SFMBT2: variants seen among roughly 807,000 people sequenced by gnomAD.
The protein encoded by SFMBT2 is scm-like with four MBT domains protein 2.
Under a neutral mutation model 110.1 loss-of-function variants are expected in SFMBT2, and 38 were observed. The ratio of observed to expected loss-of-function variants is 0.35; its 90% CI spans 0.27 to 0.45. The LOEUF (loss-of-function observed/expected upper bound fraction) is 0.45. Among genes scored for constraint, SFMBT2 ranks in the 20% least tolerant of loss-of-function variants. The probability of loss-of-function intolerance (pLI) is 1.00; values close to 1 mark genes in which losing one functional copy is unlikely to be tolerated. For missense variants in SFMBT2, 1,011 were observed against 1,094.9 expected (o/e 0.92, Z 1.08); for synonymous variants, 425 against 425.4 (o/e 1.00, Z 0.01).
intron 7 of SFMBT2, among the ~76,000 whole-genome samples, chr10:7,250,079 T>A (rs1840753227): frequency 6.6e-6 from 1 of 152,208 alleles, no homozygotes; most frequent in South Asian, 2.1e-4. Context: ...GTGCAGGTGA[T>A]GATGTGCATT....
intron 4 of SFMBT2, among the ~76,000 whole-genome samples, chr10:7,360,370 G>T (rs555776044): frequency 4.6e-5 from 7 of 152,258 alleles, no homozygotes; most frequent in African/African-American, 1.4e-4. Context: ...ATGAGGCTGA[G>T]GTAGAAGGAT....
intron 1 of SFMBT2, among the ~76,000 whole-genome samples, chr10:7,391,643 A>G (rs1845769216): frequency 6.6e-6 from 1 of 152,218 alleles, no homozygotes; most frequent in Non-Finnish European, 1.5e-5. Context: ...TCCTTCCTAT[A>G]AGAGATAGAC....
chr10:7,236,428 G>A (rs1301111206), intron 9 of SFMBT2, among the ~76,000 whole-genome samples: 2 of 152,014 alleles, frequency 1.3e-5, no homozygotes, highest in Non-Finnish European at 2.9e-5. Context: ...ATTTGTTCAG[G>A]GCTATACAAA....
At chr10:7,407,499 G>A (rs1225336174) in intron 1 of SFMBT2, among the ~76,000 whole-genome samples, 1 of 152,086 alleles carries the variant, frequency 6.6e-6, no homozygotes, top group African/African-American at 2.4e-5. Context: ...CGGCTGTGCT[G>A]CGGGAGCCCT....
chr10:7,368,710 A>C (rs977382584), intron 3 of SFMBT2, among the ~76,000 whole-genome samples: 1 of 152,242 alleles, frequency 6.6e-6, no homozygotes, highest in African/African-American at 2.4e-5. Context: ...GGAAGGAAAA[A>C]TTGTGATCAA....
chr10:7,287,656 C>T (rs1282960550), intron 4 of SFMBT2, among the ~76,000 whole-genome samples: 1 of 152,184 alleles, frequency 6.6e-6, no homozygotes, highest in Non-Finnish European at 1.5e-5. Flanking sequence ...CCGGGCTCCA[C>T]CCAGGACTTC....
intron 4 of SFMBT2, among the ~76,000 whole-genome samples, chr10:7,314,745 T>C (rs1772003526): frequency 1.3e-5 from 2 of 151,840 alleles, no homozygotes; most frequent in Admixed American, 1.3e-4. Flanking sequence ...CTGTATCTAC[T>C]AAAAATACAA....
chr10:7,219,417 A>G, intron 11 of SFMBT2, among the ~76,000 whole-genome samples: 1 of 152,268 alleles, frequency 6.6e-6, no homozygotes, highest in East Asian at 1.9e-4. Context: ...GATGTCAGCC[A>G]CAATGACTGT....
intron 4 of SFMBT2, chr10:7,329,606 G>T (rs1000878783): frequency 3.0e-6 from 2 of 659,252 alleles, no homozygotes; most frequent in Non-Finnish European, 3.8e-6. Context: ...CAGATTCCTC[G>T]GTTAGAAATC....
At chr10:7,394,029 G>T (rs1222031171) in intron 1 of SFMBT2, among the ~76,000 whole-genome samples, 3 of 152,090 alleles carry the variant, frequency 2.0e-5, no homozygotes, top group African/African-American at 7.2e-5. Flanking sequence ...TTGAGAAAGG[G>T]TCTCACTCTG....
intron 3 of SFMBT2, chr10:7,368,300 A>G: frequency 3.1e-6 from 3 of 982,934 alleles, no homozygotes; most frequent in Non-Finnish European, 3.6e-6. Flanking sequence ...ACAGGACCAC[A>G]TGATAGGGGC....
chr10:7,183,674 G>A (rs991143208), intron 16 of SFMBT2, among the ~76,000 whole-genome samples: 2 of 152,184 alleles, frequency 1.3e-5, no homozygotes, highest in African/African-American at 4.8e-5. Flanking sequence ...CTCTGGGGAC[G>A]TTTCCCAGCC....
chr10:7,214,130 A>G (rs578014408), intron 11 of SFMBT2, among the ~76,000 whole-genome samples: 6 of 152,274 alleles, frequency 3.9e-5, no homozygotes, highest in South Asian at 2.1e-4. Flanking sequence ...CGTACTAAAA[A>G]GAAAACATCA....
At position 7,269,731 on chromosome 10, in the gene SFMBT2, T is replaced by C. The variant is rs1182561411; in HGVS notation, c.870+7161A>G. Among the ~76,000 whole-genome samples, 5 of 147,056 alleles carry C rather than the reference T, an allele frequency of 3.4e-5. No individual in the cohort carries two copies. The East Asian group carries it at 9.8e-4, about 29-fold the overall frequency. On this transcript the variant is annotated intron_variant, in intron 7 of 20. Coordinates refer to ENST00000397167, the MANE Select transcript of SFMBT2 (RefSeq NM_001387889.1). ...AAGTGTGTGCGTGTGTGTGTGTGTGTGTGTGTGTGTGTGTGTGTGTGTGTG... is the reference window on the plus strand; with the variant it reads ...AAGTGTGTGCGTGTGTGTGTGTGTGCGTGTGTGTGTGTGTGTGTGTGTGTG...
chr10:7,376,727 CAAAAAAAAAAAAAAAAA>C (rs35816107), intron 2 of SFMBT2, among the ~76,000 whole-genome samples: 1 of 44,736 alleles, frequency 2.2e-5, no homozygotes, highest in African/African-American at 1.0e-4. Context: ...GGCCCTCCCA[CAAAAAAAAAAAAAAAAA>C]AAAAAAAAAA....
Position 7,290,088 on chromosome 10 carries a change from A to C in SFMBT2, c.437-4134T>G, listed in dbSNP as rs571058535. On this transcript the variant is annotated intron_variant, in intron 4 of 20. Transcript: ENST00000397167. ...CACACATGAAACATCAGGAAACTCA[A>C]AACCTGCCCTGCGCCCAACTACGGC... 2.0e-5 allele frequency among the ~76,000 whole-genome samples: 3 copies of C among 152,304 alleles called. No homozygotes were observed. In the East Asian group the frequency reaches 5.8e-4, roughly 29 times the overall value.
In SFMBT2 at chr10:7,293,246, G is replaced by A. The variant is rs565043040; in HGVS notation, c.437-7292C>T. ...CCCGAGTAGCTGGGACTACAGGCAC[G>A]CCCTACCACATCCAGCTAATTTTTG... On this transcript the variant is annotated intron_variant, in intron 4 of 20. Transcript: ENST00000397167. This position sits in a 1 kb window ranked among gnomAD's most constrained non-coding sequence, Gnocchi z 4.6. Among the ~76,000 whole-genome samples, 19 of 152,004 alleles carry A rather than the reference G, an allele frequency of 1.2e-4. No homozygotes were observed. Among genetic ancestry groups the A allele is most frequent in the Admixed American group, 2.0e-4 (3 of 15,268 alleles).
chr10:7,217,995 G>A (rs1660863429), intron 11 of SFMBT2, among the ~76,000 whole-genome samples: 1 of 152,134 alleles, frequency 6.6e-6, no homozygotes, highest in Non-Finnish European at 1.5e-5. Context: ...CCCCTTTAGA[G>A]ACACGTAAAG....
intron 17 of SFMBT2, among the ~76,000 whole-genome samples, chr10:7,174,313 G>C (rs368358340): frequency 6.6e-6 from 1 of 152,332 alleles, no homozygotes; most frequent in East Asian, 1.9e-4. Flanking sequence ...AACCCCAAGC[G>C]TGCATGACAG....
Sources: allele counts gnomAD v4.1 joint callset (sites outside exome capture counted in the v4.1 genomes callset), GRCh38; gene constraint gnomAD v4.1.1; non-coding constraint Gnocchi (gnomAD v3.1); transcripts MANE v1.5; gene names NCBI Gene and HGNC (gene_info 2026-07-23, HGNC 2026-07-21).